The following TMEM44 variants were observed in gnomAD, a reference collection of about 807,000 sequenced individuals.
The protein encoded by TMEM44 is transmembrane protein 44.
A neutral mutation model predicts 47.8 loss-of-function variants in TMEM44; 43 were observed. The observed-to-expected ratio is 0.90, with a 90% CI of 0.70 to 1.16. The LOEUF (loss-of-function observed/expected upper bound fraction) is 1.16, where lower values mean the gene tolerates loss of function less well. TMEM44 is among the 50% of genes most tolerant of loss of function. The probability of loss-of-function intolerance (pLI) is 0.00; values close to 1 mark genes in which losing one functional copy is unlikely to be tolerated. For missense variants in TMEM44, 568 were observed against 555.2 expected, an observed-to-expected ratio of 1.02 and a Z score of -0.23; for synonymous variants, 277 against 238.8, an observed-to-expected ratio of 1.16 and a Z score of -1.48.
At chr3:194,613,668 T>A (rs182692494) in intron 7 of TMEM44, among the ~76,000 whole-genome samples, 2 of 150,692 alleles carry the variant, frequency 1.3e-5, no homozygotes, top group East Asian at 2.0e-4. Flanking sequence ...AATTTTTGTA[T>A]TTTTAGTAGA....
At chr3:194,598,637 C>T (rs1479004993) in intron 9 of TMEM44, among the ~76,000 whole-genome samples, 1 of 152,142 alleles carries the variant, frequency 6.6e-6, no homozygotes, top group African/African-American at 2.4e-5. Context: ...CAGTGAGCAC[C>T]GCTTTTCTTG....
At chr3:194,609,714 T>C (rs1443182922) in intron 8 of TMEM44, among the ~76,000 whole-genome samples, 1 of 151,984 alleles carries the variant, frequency 6.6e-6, no homozygotes, top group Non-Finnish European at 1.5e-5. Flanking sequence ...AGCGCTCCAC[T>C]TCCCAACTCG....
At chr3:194,618,558 TAA>T (rs1716195776) in intron 5 of TMEM44, among the ~76,000 whole-genome samples, 1 of 60,080 alleles carries the variant, frequency 1.7e-5, no homozygotes, top group South Asian at 8.9e-4. Context: ...TATATATAGT[TAA>T]GTTTATATAT....
chr3:194,607,809 G>A (rs1714932431), intron 8 of TMEM44, among the ~76,000 whole-genome samples: 2 of 152,212 alleles, frequency 1.3e-5, no homozygotes, highest in African/African-American at 4.8e-5. Flanking sequence ...TGGGAGGGGT[G>A]CCCCTAGTGC....
In TMEM44 at chr3:194,611,143, G is replaced by C; in HGVS notation, c.913-123C>G. On this transcript the variant is annotated intron_variant, in intron 7 of 9. Transcript: ENST00000347147. This position sits in a 1 kb window ranked among gnomAD's most constrained non-coding sequence, Gnocchi z 4.2. ...GTATTTTCTCTCTCTCTTTTTTAAC[G>C]GCACGTCTCACTTTCTGCTTCCTAT... 1.3e-6 allele frequency: 1 copy of C among 753,260 alleles called. No homozygotes were observed. Among genetic ancestry groups the C allele is most frequent in the Admixed American group, 2.2e-5 (1 of 46,192 alleles). The allele number at this position is 753,260 out of a possible 1,614,324, so 46.7% of individuals were successfully genotyped here. A position where few individuals can be genotyped will look rare whatever the true frequency, so the allele number is the denominator to read the frequency against.
chr3:194,632,056 C>A (rs1273355113), intron 1 of TMEM44, among the ~76,000 whole-genome samples: 1 of 152,192 alleles, frequency 6.6e-6, no homozygotes, highest in Non-Finnish European at 1.5e-5. Flanking sequence ...CCAATAGGAT[C>A]TGGGGTTTTG....
At chr3:194,617,639 C>T (rs1716056948) in intron 5 of TMEM44, 1 of 703,768 alleles carries the variant, frequency 1.4e-6, no homozygotes, top group South Asian at 1.5e-5. Flanking sequence ...TCCTCACCAT[C>T]TCAGTGCCCA....
intron 7 of TMEM44, among the ~76,000 whole-genome samples, chr3:194,615,024 G>T (rs13078003): frequency 1.3e-5 from 2 of 152,020 alleles, no homozygotes; most frequent in Non-Finnish European, 2.9e-5. Context: ...ATCACCTGAG[G>T]TCAGGAGTTC....
chr3:194,600,253 A>C lies in TMEM44; in HGVS notation c.1176+4034T>G, dbSNP rs868794437. Among the ~76,000 whole-genome samples, 10 of 151,996 alleles carry C rather than the reference A, an allele frequency of 6.6e-5. No individual in the cohort carries two copies. The Middle Eastern group carries it at 0.01, about 156-fold the overall frequency. On this transcript the variant is annotated intron_variant, in intron 9 of 9. Transcript: ENST00000347147. ...ACTATGGGCTTGTACCACTACGCCA[A>C]GCTAATTTTTAAAATTTTTATTTTC...
Position 194,591,964 on chromosome 3 carries a change from A to G in TMEM44, c.1177-3325T>C, listed in dbSNP as rs551377071. ...CCAGGCGTGGTGGCTCACGCCTGTAATCCCAGCACTTTGGGAGGCCGAGGC... is the reference window on the plus strand; with the variant it reads ...CCAGGCGTGGTGGCTCACGCCTGTAGTCCCAGCACTTTGGGAGGCCGAGGC... On this transcript the variant is annotated intron_variant, in intron 9 of 9. Transcript: ENST00000347147. Among the ~76,000 whole-genome samples the G allele has an allele frequency of 2.7e-4, 41 of 152,158 alleles. No individual in the cohort carries two copies. In the East Asian group the frequency reaches 7.4e-3, roughly 28 times the overall value.
Position 194,613,587 on chromosome 3 carries a change from G to A in TMEM44, c.912+1982C>T, listed in dbSNP as rs532760613. Among the ~76,000 whole-genome samples the A allele has an allele frequency of 3.3e-4, 50 of 150,694 alleles. No individual in the cohort carries two copies. The East Asian group carries it at 8.2e-3, about 25-fold the overall frequency. ...GGCTTACTGCAACCTCCGCCTCCCA[G>A]GTTCAAGCGATTCTCCTGCCTCAGC... On this transcript the variant is annotated intron_variant, in intron 7 of 9. Transcript: ENST00000347147.
chr3:194,600,865 C>A (rs1325129107), intron 9 of TMEM44, among the ~76,000 whole-genome samples: 1 of 152,192 alleles, frequency 6.6e-6, no homozygotes, highest in Non-Finnish European at 1.5e-5. Flanking sequence ...TATATTCAGT[C>A]TATATTTGAA....
Position 194,617,079 on chromosome 3 carries a change from C to T in TMEM44, c.783+20G>A, listed in dbSNP as rs1715979311. ...TCCTCTGGCTGCAAGCAGGGAGCTC[C>T]CCAGGCCTGGGGTGGATACAGCGAG... On this transcript the variant is annotated intron_variant, in intron 6 of 9. Coordinates refer to ENST00000347147, the MANE Select transcript of TMEM44 (RefSeq NM_001011655.3). 3 of 1,476,182 alleles carry T rather than the reference C, an allele frequency of 2.0e-6. No individual in the cohort carries two copies. The highest frequency in any genetic ancestry group is 2.8e-5 in the African/African-American group (2 of 70,576). The allele number at this position is 1,476,182 out of a possible 1,614,324, so 91.4% of individuals were successfully genotyped here. A position where few individuals can be genotyped will look rare whatever the true frequency, so the allele number is the denominator to read the frequency against.
intron 2 of TMEM44, among the ~76,000 whole-genome samples, chr3:194,628,055 C>T (rs1717359826): frequency 6.6e-6 from 1 of 152,204 alleles, no homozygotes; most frequent in Non-Finnish European, 1.5e-5. Context: ...CCACCTCTTC[C>T]ACCAGTGTTC....
chr3:194,627,734 T>C (rs1029371508), intron 2 of TMEM44, among the ~76,000 whole-genome samples: 2 of 152,108 alleles, frequency 1.3e-5, no homozygotes, highest in African/African-American at 2.4e-5. Flanking sequence ...TCCTAGCACA[T>C]TGGGAGGCTG....
chr3:194,616,095 A>G (rs923451940), intron 6 of TMEM44, among the ~76,000 whole-genome samples: 8 of 151,558 alleles, frequency 5.3e-5, no homozygotes, highest in African/African-American at 1.9e-4. Context: ...TCTGTCACCC[A>G]GGCTGGAGTG....
intron 1 of TMEM44, among the ~76,000 whole-genome samples, chr3:194,631,778 A>C (rs1453511262): frequency 6.6e-6 from 1 of 152,074 alleles, no homozygotes; most frequent in African/African-American, 2.4e-5. Flanking sequence ...CAGCCCACAC[A>C]CCACTCCGAA....
chr3:194,591,534 AGTG>A (rs1712721630), intron 9 of TMEM44, among the ~76,000 whole-genome samples: 1 of 152,162 alleles, frequency 6.6e-6, no homozygotes, highest in Non-Finnish European at 1.5e-5. Context: ...GTAAAAATAA[AGTG>A]GTACAAATCT....
At chr3:194,608,174 A>G (rs1368163801) in intron 8 of TMEM44, among the ~76,000 whole-genome samples, 2 of 152,212 alleles carry the variant, frequency 1.3e-5, no homozygotes, top group Non-Finnish European at 2.9e-5. Flanking sequence ...CTTCGGAAGG[A>G]TGGTTTAATG....
Sources: allele counts gnomAD v4.1 joint callset (sites outside exome capture counted in the v4.1 genomes callset), GRCh38; gene constraint gnomAD v4.1.1; non-coding constraint Gnocchi (gnomAD v3.1); transcripts MANE v1.5; gene names NCBI Gene and HGNC (gene_info 2026-07-23, HGNC 2026-07-21).